The following KHDRBS3 variants were observed in gnomAD, a reference collection of about 807,000 sequenced individuals.
The protein encoded by KHDRBS3 is KH RNA binding domain containing, signal transduction associated 3.
KHDRBS3 carries 23 observed loss-of-function variants against 45.6 expected under a neutral mutation model. That is an observed-to-expected ratio of 0.50 (90% CI 0.36 to 0.72). The LOEUF is 0.72. KHDRBS3 is among the 30% of genes least tolerant of loss of function. KHDRBS3 has a pLI of 0.00. For missense variants in KHDRBS3, 352 were observed against 424.8 expected, an observed-to-expected ratio of 0.83 and a Z score of 1.51; for synonymous variants, 162 against 156.5, an observed-to-expected ratio of 1.04 and a Z score of -0.26.
At chr8:135,596,478 G>T (rs572279370) in intron 6 of KHDRBS3, among the ~76,000 whole-genome samples, 3 of 152,294 alleles carry the variant, frequency 2.0e-5, no homozygotes, top group Non-Finnish European at 4.4e-5. Context: ...GCAGTCCTTT[G>T]TGGGACTAAG....
At chr8:135,485,868 A>ATATATATATATATATATATT (rs1563713994) in intron 1 of KHDRBS3, among the ~76,000 whole-genome samples, 1 of 141,212 alleles carries the variant, frequency 7.1e-6, no homozygotes, top group Non-Finnish European at 1.5e-5. Flanking sequence ...ATATATATAT[A>ATATATATATATATATATATT]TTTTATTTTT....
At chr8:135,477,433 CTAA>C (rs1822348014) in intron 1 of KHDRBS3, among the ~76,000 whole-genome samples, 1 of 152,106 alleles carries the variant, frequency 6.6e-6, no homozygotes, top group Non-Finnish European at 1.5e-5. Flanking sequence ...TGTAGAGAAA[CTAA>C]AAGTTTCTGA....
intron 3 of KHDRBS3, among the ~76,000 whole-genome samples, chr8:135,543,335 T>TA: frequency 6.6e-6 from 1 of 152,356 alleles, no homozygotes; most frequent in Non-Finnish European, 1.5e-5. Context: ...GTGTTATTTT[T>TA]ATTGATCATT....
At chr8:135,531,521 G>A (rs1007161592) in intron 2 of KHDRBS3, among the ~76,000 whole-genome samples, 5 of 151,950 alleles carry the variant, frequency 3.3e-5, no homozygotes, top group African/African-American at 4.8e-5. Flanking sequence ...GATTATATAC[G>A]AAAAATGCTT....
intron 1 of KHDRBS3, among the ~76,000 whole-genome samples, chr8:135,495,147 G>A (rs1043338487): frequency 2.0e-5 from 3 of 152,110 alleles, no homozygotes; most frequent in Admixed American, 2.0e-4. Context: ...AGCCTCTGAC[G>A]ATTTGATAAG....
At chr8:135,617,250 ATTTTATTTTATTTTATTTTATTTT>A in intron 7 of KHDRBS3, among the ~76,000 whole-genome samples, 1 of 39,756 alleles carries the variant, frequency 2.5e-5, no homozygotes, top group Non-Finnish European at 6.6e-5. Context: ...ATTTTATTTT[ATTTTATTTTATTTTATTTTATTTT>A]ATTTTATTTT....
At chr8:135,650,185 A>G (rs1831400481), downstream of KHDRBS3, among the ~76,000 whole-genome samples, 1 of 152,230 alleles carries the variant, frequency 6.6e-6, no homozygotes, top group African/African-American at 2.4e-5. Context: ...CTGATAAGAC[A>G]TGGAACCCGG....
intron 5 of KHDRBS3, among the ~76,000 whole-genome samples, chr8:135,577,792 A>G (rs991066027): frequency 6.6e-6 from 1 of 152,208 alleles, no homozygotes; most frequent in Non-Finnish European, 1.5e-5. Context: ...TAATAAGGCT[A>G]TGTTTAGCTT....
At chr8:135,613,255 G>A (rs775562473) in intron 7 of KHDRBS3, among the ~76,000 whole-genome samples, 9 of 151,942 alleles carry the variant, frequency 5.9e-5, no homozygotes, top group South Asian at 2.1e-4. Flanking sequence ...AACAGAGACC[G>A]GTGCCACAGT....
At chr8:135,525,337 A>G (rs527353617) in intron 2 of KHDRBS3, among the ~76,000 whole-genome samples, 2 of 152,184 alleles carry the variant, frequency 1.3e-5, no homozygotes, top group East Asian at 3.9e-4. Context: ...TTTATACATA[A>G]TATTTGGTTA....
chr8:135,458,765 C>A (rs1821261768), intron 1 of KHDRBS3: 1 of 422,808 alleles, frequency 2.4e-6, no homozygotes. Flanking sequence ...CATTTTCACA[C>A]GACTCCAGCC....
At chr8:135,580,956 T>A (rs1055456038) in intron 5 of KHDRBS3, among the ~76,000 whole-genome samples, 2 of 152,190 alleles carry the variant, frequency 1.3e-5, no homozygotes, top group African/African-American at 2.4e-5. Flanking sequence ...GCTTTTTTTT[T>A]CTCTTTAGCC....
chr8:135,576,706 A>C (rs1010832078), intron 5 of KHDRBS3, among the ~76,000 whole-genome samples: 4 of 152,122 alleles, frequency 2.6e-5, no homozygotes, highest in African/African-American at 9.7e-5. Context: ...CATTTATTGG[A>C]GTATGGTATT....
chr8:135,476,202 G>A (rs186154871), intron 1 of KHDRBS3, among the ~76,000 whole-genome samples: 1 of 152,134 alleles, frequency 6.6e-6, no homozygotes, highest in East Asian at 1.9e-4. Flanking sequence ...GTAGTGCAGT[G>A]GTGCAATCTT....
intron 2 of KHDRBS3, among the ~76,000 whole-genome samples, chr8:135,523,849 T>C (rs1825040290): frequency 6.6e-6 from 1 of 152,216 alleles, no homozygotes; most frequent in South Asian, 2.1e-4. Flanking sequence ...TCTATTGAAA[T>C]AAACACAATG....
intron 3 of KHDRBS3, among the ~76,000 whole-genome samples, chr8:135,546,641 G>A (rs1034387348): frequency 2.0e-5 from 3 of 152,066 alleles, no homozygotes; most frequent in South Asian, 2.1e-4. Flanking sequence ...TCCTAAAGAC[G>A]TTTTGTTTGT....
intron 6 of KHDRBS3, among the ~76,000 whole-genome samples, chr8:135,597,235 G>A (rs568952656): frequency 6.6e-6 from 1 of 152,254 alleles, no homozygotes; most frequent in South Asian, 2.1e-4. Context: ...GGAGGGCCAG[G>A]CAGCTCTCTG....
At chr8:135,590,877 T>C (rs1319822505) in intron 6 of KHDRBS3, among the ~76,000 whole-genome samples, 1 of 152,252 alleles carries the variant, frequency 6.6e-6, no homozygotes, top group Non-Finnish European at 1.5e-5. Flanking sequence ...TAATATCTCT[T>C]GATATCTCAA....
At chr8:135,625,755 T>TTGAAGTTCTGGA in intron 7 of KHDRBS3, 1 of 763,108 alleles carries the variant, frequency 1.3e-6, no homozygotes, top group South Asian at 1.4e-5. Flanking sequence ...TGGTAGTATT[T>TTGAAGTTCTGGA]TGAAGTTCTG....
Sources: allele counts gnomAD v4.1 joint callset (sites outside exome capture counted in the v4.1 genomes callset), GRCh38; gene constraint gnomAD v4.1.1; transcripts MANE v1.5; gene names NCBI Gene and HGNC (gene_info 2026-07-23, HGNC 2026-07-21).